Variants in MTAP observed in about 807,000 individuals in gnomAD.
MTAP encodes the protein methylthioadenosine phosphorylase.
MTAP carries 33 observed loss-of-function variants against 33.6 expected under a neutral mutation model. The observed-to-expected ratio is 0.98, with a 90% CI of 0.74 to 1.31. MTAP has a LOEUF of 1.31. MTAP is among the 40% of genes most tolerant of loss of function. The pLI, the probability that MTAP is intolerant of heterozygous loss-of-function variation, is 0.00. For missense variants in MTAP, 367 were observed against 360.0 expected, an observed-to-expected ratio of 1.02 and a Z score of -0.16; for synonymous variants, 148 against 125.7, an observed-to-expected ratio of 1.18 and a Z score of -1.19.
intron 1 of MTAP, among the ~76,000 whole-genome samples, chr9:21,927,634 G>A (rs920994582): frequency 6.6e-5 from 10 of 152,154 alleles, no homozygotes; most frequent in Admixed American, 5.9e-4. Context: ...GATTGGCTTT[G>A]TCAAGAATGG....
At chr9:21,917,713 C>G (rs1818713313) in intron 1 of MTAP, among the ~76,000 whole-genome samples, 1 of 152,134 alleles carries the variant, frequency 6.6e-6, no homozygotes, top group African/African-American at 2.4e-5. Flanking sequence ...AGTAGAACTA[C>G]CATTCAATCC....
At position 21,865,553 on chromosome 9, in the gene MTAP, A is replaced by G. The variant is rs1175036078; in HGVS notation, c.*3539A>G. On this transcript the variant is annotated 3_prime_UTR_variant, in exon 8 of 8. Coordinates refer to ENST00000644715, the MANE Select transcript of MTAP (RefSeq NM_002451.4). ...GCAAAGAACTGAAGTTCCAGGATGG[A>G]AGAACCTGTGTTCTCCTCATAATAG... 1.0e-6 allele frequency: 1 copy of G among 985,708 alleles called. No individual in the cohort carries two copies. The highest frequency in any genetic ancestry group is 1.2e-6 in the Non-Finnish European group (1 of 829,962). The allele number at this position is 985,708 out of a possible 1,614,324, so 61.1% of individuals were successfully genotyped here. A position where few individuals can be genotyped will look rare whatever the true frequency, so the allele number is the denominator to read the frequency against.
chr9:21,932,531 T>A (rs1223270786), downstream of MTAP: 2 of 152,248 alleles, frequency 1.3e-5, no homozygotes, highest in African/African-American at 2.4e-5. Context: ...TGACTACCGA[T>A]GGCTCCACCT....
intron 1 of MTAP, among the ~76,000 whole-genome samples, chr9:21,904,125 A>C (rs1293474023): frequency 6.6e-6 from 1 of 152,114 alleles, no homozygotes; most frequent in Non-Finnish European, 1.5e-5. Context: ...CCCTGGCCAA[A>C]CTCCAAGGCG....
At chr9:21,820,621 T>C (rs1824610300) in intron 4 of MTAP, among the ~76,000 whole-genome samples, 1 of 151,936 alleles carries the variant, frequency 6.6e-6, no homozygotes, top group Non-Finnish European at 1.5e-5. Flanking sequence ...CTTGGCAATG[T>C]TCATGGTTCC....
intron 1 of MTAP, among the ~76,000 whole-genome samples, chr9:21,909,492 G>T (rs543566579): frequency 6.6e-6 from 1 of 152,168 alleles, no homozygotes; most frequent in African/African-American, 2.4e-5. Flanking sequence ...TAATCTTCAT[G>T]CATTAAGCTA....
intron 1 of MTAP, among the ~76,000 whole-genome samples, chr9:21,814,855 G>A (rs977870965): frequency 1.3e-5 from 2 of 152,162 alleles, no homozygotes; most frequent in African/African-American, 4.8e-5. Flanking sequence ...TGTATATGCG[G>A]GTAACTTTTC....
chr9:21,931,724 C>T (rs1038477319), downstream of MTAP: 1 of 152,278 alleles, frequency 6.6e-6, no homozygotes, highest in East Asian at 1.9e-4. Context: ...TAAGGTCAAA[C>T]AGGGCACTTG....
intron 1 of MTAP, among the ~76,000 whole-genome samples, chr9:21,904,679 C>A (rs1818446639): frequency 6.6e-6 from 1 of 152,156 alleles, no homozygotes; most frequent in Admixed American, 6.5e-5. Context: ...ATTTATCTGA[C>A]TCATGAGATT....
chr9:21,914,684 A>T (rs1818644134), intron 1 of MTAP, among the ~76,000 whole-genome samples: 1 of 151,860 alleles, frequency 6.6e-6, no homozygotes, highest in African/African-American at 2.4e-5. Flanking sequence ...AATGTAAATG[A>T]TGAGTTAATG....
At chr9:21,861,648 T>G in intron 7 of MTAP, 1 of 264,960 alleles carries the variant, frequency 3.8e-6, no homozygotes, top group South Asian at 7.7e-5. Flanking sequence ...TTTCTTACAG[T>G]GGGGTAAGGA....
downstream of MTAP, chr9:21,935,993 GAC>G (rs1240740090): frequency 1.3e-5 from 2 of 152,178 alleles, no homozygotes. Flanking sequence ...GAGAATAAAA[GAC>G]ATGATGCAAA....
At chr9:21,857,233 A>G (rs887875225) in intron 6 of MTAP, among the ~76,000 whole-genome samples, 3 of 152,208 alleles carry the variant, frequency 2.0e-5, no homozygotes, top group Non-Finnish European at 4.4e-5. Context: ...GTCACAGGAA[A>G]AATATATAAG....
At chr9:21,925,919 A>G (rs1423980172) in intron 1 of MTAP, among the ~76,000 whole-genome samples, 1 of 152,222 alleles carries the variant, frequency 6.6e-6, no homozygotes, top group Non-Finnish European at 1.5e-5. Context: ...TTGGGTGCCC[A>G]TAACCCAAAG....
At chr9:21,874,191 GC>G (rs1272503048) in intron 1 of MTAP, among the ~76,000 whole-genome samples, 1 of 152,154 alleles carries the variant, frequency 6.6e-6, no homozygotes, top group Non-Finnish European at 1.5e-5. Context: ...ACCCCTGTCT[GC>G]CACCCGGCTT....
intron 7 of MTAP, 40 bp from the exon 8 acceptor site, chr9:21,861,936 G>T: frequency 6.3e-6 from 7 of 1,115,684 alleles, no homozygotes; most frequent in African/African-American, 1.5e-5. Context: ...CAGTAATTAC[G>T]CCAACATGTG....
intron 5 of MTAP, among the ~76,000 whole-genome samples, chr9:21,849,256 G>A (rs940408154): frequency 5.3e-5 from 8 of 152,034 alleles, no homozygotes; most frequent in Non-Finnish European, 1.0e-4. Flanking sequence ...GGAGACCTCC[G>A]ACCTTTTACC....
chr9:21,821,564 A>AG (rs1219573003), intron 4 of MTAP, among the ~76,000 whole-genome samples: 2 of 152,220 alleles, frequency 1.3e-5, no homozygotes, highest in African/African-American at 4.8e-5. Flanking sequence ...GATGTTCATC[A>AG]GGGATATTGG....
intron 1 of MTAP, among the ~76,000 whole-genome samples, chr9:21,910,977 A>C (rs1208967520): frequency 2.0e-5 from 3 of 152,228 alleles, no homozygotes; most frequent in African/African-American, 4.8e-5. Flanking sequence ...CAGGGGTTGC[A>C]ATCCTAGTCT....
Sources: gnomAD v4.1 joint callset for allele counts (sites outside exome capture counted in the v4.1 genomes callset) on GRCh38, gnomAD v4.1.1 for gene constraint, MANE v1.5 for transcripts, NCBI Gene and HGNC (gene_info 2026-07-23, HGNC 2026-07-21) for gene names.